Variants in KALRN observed in about 807,000 individuals in gnomAD.
The protein encoded by KALRN is kalirin RhoGEF kinase.
In KALRN, 70 loss-of-function variants were observed where a neutral mutation model predicts 353.7. The ratio of observed to expected loss-of-function variants is 0.20; its 90% CI spans 0.16 to 0.24. The LOEUF (loss-of-function observed/expected upper bound fraction) is 0.24, where lower values mean the gene tolerates loss of function less well. Ranked by LOEUF, KALRN falls within the 10% of genes least tolerant of loss-of-function variation. The pLI, the probability that KALRN is intolerant of heterozygous loss-of-function variation, is 1.00. For missense variants in KALRN, 2,791 were observed against 3,756.7 expected (o/e 0.74, Z 6.72); for synonymous variants, 1,391 against 1,434.8 (o/e 0.97, Z 0.69).
intron 10 of KALRN, among the ~76,000 whole-genome samples, chr3:124,384,283 A>G (rs2087856499): frequency 6.6e-6 from 1 of 152,108 alleles, no homozygotes; most frequent in Non-Finnish European, 1.5e-5. Flanking sequence ...AGTAGCCTGC[A>G]TCTCCTCCCT....
At chr3:124,440,496 G>T (rs2093633495) in intron 18 of KALRN, among the ~76,000 whole-genome samples, 1 of 151,864 alleles carries the variant, frequency 6.6e-6, no homozygotes, top group African/African-American at 2.4e-5. Context: ...TTTTATTCAG[G>T]AGCCTCTGTG....
chr3:124,557,352 T>C (rs1445116499), intron 33 of KALRN, among the ~76,000 whole-genome samples: 4 of 152,244 alleles, frequency 2.6e-5, no homozygotes, highest in African/African-American at 9.6e-5. Flanking sequence ...TACAGCTGCA[T>C]GTCACTTGTG....
intron 48 of KALRN, among the ~76,000 whole-genome samples, chr3:124,673,648 G>GTATGTATATACAT (rs1553725658): frequency 6.6e-6 from 1 of 151,810 alleles, no homozygotes; most frequent in Non-Finnish European, 1.5e-5. Flanking sequence ...TGTATATACT[G>GTATGTATATACAT]AAGAATTTCT....
At chr3:124,567,866 T>G (rs2073045374) in intron 34 of KALRN, among the ~76,000 whole-genome samples, 1 of 152,090 alleles carries the variant, frequency 6.6e-6, no homozygotes, top group Non-Finnish European at 1.5e-5. Context: ...TCCCAGCTAT[T>G]CAGGAGGCTG....
intron 34 of KALRN, among the ~76,000 whole-genome samples, chr3:124,611,037 A>G (rs2077895292): frequency 6.6e-6 from 1 of 152,078 alleles, no homozygotes; most frequent in African/African-American, 2.4e-5. Flanking sequence ...AAATAAAGAA[A>G]CAATACAGTT....
chr3:124,115,250 G>C (rs2063350106), intron 1 of KALRN, among the ~76,000 whole-genome samples: 2 of 152,170 alleles, frequency 1.3e-5, no homozygotes, highest in South Asian at 4.1e-4. Context: ...AAGGTTGGTT[G>C]GGTGGGCTTT....
At chr3:124,055,547 C>CT (rs1438500532) in intron 1 of KALRN, among the ~76,000 whole-genome samples, 3 of 152,200 alleles carry the variant, frequency 2.0e-5, no homozygotes, top group African/African-American at 7.2e-5. Context: ...CTTAATTACT[C>CT]TATCTAGCAT....
At position 124,717,395 on chromosome 3, in the gene KALRN, A is replaced by G. The variant is rs760081106; in HGVS notation, c.8415+10A>G. The G allele has an allele frequency of 6.3e-7, 1 of 1,584,280 alleles. No individual in the cohort carries two copies. The highest frequency in any genetic ancestry group is 1.2e-5 in the South Asian group (1 of 86,344). ...ACATTTGGACATAAAGGTAATAAGA[A>G]GTGGCAACCTGCTGGGCGCAGTGGC... On this transcript the variant is annotated intron_variant, in intron 59 of 59. Coordinates refer to ENST00000682506, the MANE Select transcript of KALRN (RefSeq NM_001388419.1).
chr3:124,609,450 T>A (rs986810870), intron 34 of KALRN, among the ~76,000 whole-genome samples: 1 of 152,242 alleles, frequency 6.6e-6, no homozygotes, highest in Admixed American at 6.5e-5. Flanking sequence ...GTGTTCATGC[T>A]TGCCAGACAC....
At chr3:124,100,034 C>T (rs566455374) in intron 1 of KALRN, among the ~76,000 whole-genome samples, 15 of 152,154 alleles carry the variant, frequency 9.9e-5, no homozygotes, top group Non-Finnish European at 1.8e-4. Flanking sequence ...CATGGCAGTG[C>T]GCACCTGTAA....
chr3:124,208,104 G>A (rs2150468054), intron 1 of KALRN, among the ~76,000 whole-genome samples: 1 of 152,304 alleles, frequency 6.6e-6, no homozygotes, highest in African/African-American at 2.4e-5. Context: ...TGGCCATGCA[G>A]CTTCTTTGGT....
At position 124,110,464 on chromosome 3, in the gene KALRN, C is replaced by CGT. The variant is rs1491418191; in HGVS notation, c.73+76652_73+76653insTG. 7.7e-4 allele frequency among the ~76,000 whole-genome samples: 20 copies of CGT among 26,026 alleles called. 1 individual carries two copies. In the South Asian group the frequency reaches 0.035, roughly 45 times the overall value. The allele number at this position is 26,026 out of a possible 152,430, so 17.1% of individuals were successfully genotyped here. ...TATGTATATATTTCATATATACACA[C>CGT]GCGCGCACACACACACACACACACA... On this transcript the variant is annotated intron_variant, in intron 1 of 59. Transcript: ENST00000682506.
Position 124,264,582 on chromosome 3 carries a change from G to A in KALRN, c.348G>A (p.Thr116=), listed in dbSNP as rs145976211. ...ACCTCATCAAGCCCCTCCTCAAAAC[G>A]CTGCAGGAAGCCTTTCCAGCTGAGA... ...KWDLIKPLLK[T]LQEAFPAEIH... is the part of the protein sequence containing the mutation. Residue 116 remains threonine, a synonymous_variant, in exon 4 of 60, where the codon ACG becomes ACA. Transcript: ENST00000682506. The A allele has an allele frequency of 1.9e-5, 30 of 1,613,988 alleles. No individual in the cohort carries two copies. The African/African-American group carries it at 1.9e-4, about 10-fold the overall frequency.
At chr3:124,381,406 G>A (rs1010611745) in intron 10 of KALRN, among the ~76,000 whole-genome samples, 7 of 152,180 alleles carry the variant, frequency 4.6e-5, no homozygotes, top group South Asian at 2.1e-4. Context: ...ATTGCACACC[G>A]TGTCAAGACA....
chr3:124,405,387 G>A (rs58948283), intron 13 of KALRN, among the ~76,000 whole-genome samples: 4,363 of 152,234 alleles, frequency 0.029, 175 homozygotes, highest in African/African-American at 0.092. Flanking sequence ...TAAGGATGCA[G>A]TAGAAGGTGT....
intron 25 of KALRN, among the ~76,000 whole-genome samples, chr3:124,467,866 A>G (rs1323151458): frequency 1.3e-5 from 2 of 152,070 alleles, no homozygotes; most frequent in Non-Finnish European, 2.9e-5. Flanking sequence ...GTGGACAGAT[A>G]ATAAGGAGAA....
Position 124,712,968 on chromosome 3 carries a change from C to T in KALRN, c.8109C>T (p.His2703=). Residue 2703 remains histidine, a synonymous_variant, in exon 58 of 60, where the codon CAC becomes CAT. Coordinates refer to ENST00000682506, the MANE Select transcript of KALRN (RefSeq NM_001388419.1). Reference sequence around the variant, plus strand: ...TCTCTATAGTAAAGAAATGCATTCACAAAGCTACCCGCAAAGATGTGGCTG... The same window carrying T: ...TCTCTATAGTAAAGAAATGCATTCATAAAGCTACCCGCAAAGATGTGGCTG... ...GRFSIVKKCI[H]KATRKDVAVK... 3.7e-6 allele frequency: 6 copies of T among 1,613,964 alleles called. No individual in the cohort carries two copies. Among genetic ancestry groups the T allele is most frequent in the Non-Finnish European group, 5.1e-6 (6 of 1,179,958 alleles).
intron 5 of KALRN, among the ~76,000 whole-genome samples, chr3:124,286,117 T>C (rs1340747402): frequency 6.7e-6 from 1 of 149,434 alleles, no homozygotes; most frequent in African/African-American, 2.5e-5. Context: ...CTTTCTTTCT[T>C]TCTTTCTTTC....
chr3:124,450,393 TTAAG>T (rs1251025359), intron 21 of KALRN, among the ~76,000 whole-genome samples: 1 of 152,044 alleles, frequency 6.6e-6, no homozygotes, highest in Non-Finnish European at 1.5e-5. Context: ...CAAAAGAAAA[TTAAG>T]TAGTAATGAA....
Sources: gnomAD v4.1 joint callset for allele counts (sites outside exome capture counted in the v4.1 genomes callset) on GRCh38, gnomAD v4.1.1 for gene constraint, MANE v1.5 for transcripts, NCBI Gene and HGNC (gene_info 2026-07-23, HGNC 2026-07-21) for gene names.